Variants in DNAH11 observed in about 807,000 individuals in gnomAD.
The protein encoded by DNAH11 is axonemal beta dynein heavy chain 11.
A neutral mutation model predicts 526.0 loss-of-function variants in DNAH11; 442 were observed. The observed-to-expected ratio is 0.84, with a 90% CI of 0.78 to 0.91. The LOEUF (loss-of-function observed/expected upper bound fraction) is 0.91. Ranked by LOEUF, DNAH11 falls within the 40% of genes least tolerant of loss-of-function variation. The probability of loss-of-function intolerance (pLI) is 0.00; values close to 1 mark genes in which losing one functional copy is unlikely to be tolerated. For synonymous variants in DNAH11, 2,461 were observed against 1,935.9 expected, an observed-to-expected ratio of 1.27 and a Z score of -7.12; for missense variants, 6,989 against 5,448.7, an observed-to-expected ratio of 1.28 and a Z score of -8.90.
intron 54 of DNAH11, 71 bp downstream of exon 54, chr7:21,750,435 T>A: frequency 6.6e-7 from 1 of 1,520,122 alleles, no homozygotes; most frequent in Non-Finnish European, 8.8e-7. Context: ...CTATTCTGAG[T>A]TTTTTATTAT....
At chr7:21,843,281 C>T (rs986928962) in intron 66 of DNAH11, among the ~76,000 whole-genome samples, 2 of 151,954 alleles carry the variant, frequency 1.3e-5, no homozygotes, top group Admixed American at 6.6e-5. Flanking sequence ...TCAGAAAATA[C>T]TGACATAGAA....
Position 21,543,068 on chromosome 7 carries a change from C to T in DNAH11, c.-178C>T. On this transcript the variant is annotated 5_prime_UTR_variant, in exon 1 of 82. Transcript: ENST00000409508. ...CAGGCCTTCGCTTCGGCCTGCGAGGCTACAGCTGTGCGCAGTGGCGCGGCT... is the reference window on the plus strand; with the variant it reads ...CAGGCCTTCGCTTCGGCCTGCGAGGTTACAGCTGTGCGCAGTGGCGCGGCT... 7.5e-7 allele frequency: 1 copy of T among 1,340,310 alleles called. No individual in the cohort carries two copies. The highest frequency in any genetic ancestry group is 9.7e-7 in the Non-Finnish European group (1 of 1,032,308). The allele number at this position is 1,340,310 out of a possible 1,614,324, so 83.0% of individuals were successfully genotyped here.
At chr7:21,798,359 G>C (rs145353183) in intron 61 of DNAH11, among the ~76,000 whole-genome samples, 1 of 152,290 alleles carries the variant, frequency 6.6e-6, no homozygotes, top group African/African-American at 2.4e-5. Flanking sequence ...GCCTCCCAAA[G>C]TGCTGGGATT....
At chr7:21,812,170 A>G (rs1789554195) in intron 63 of DNAH11, among the ~76,000 whole-genome samples, 1 of 152,204 alleles carries the variant, frequency 6.6e-6, no homozygotes, top group Admixed American at 6.5e-5. Context: ...TCAAGGATTG[A>G]TAGCAGAACT....
At chr7:21,900,886 T>TGACA in intron 81 of DNAH11, 121 bp from the exon 82 acceptor site, 4 of 1,466,614 alleles carry the variant, frequency 2.7e-6, no homozygotes, top group South Asian at 1.6e-5. Flanking sequence ...AAAATACCAC[T>TGACA]GACAAGCAAA....
rs772554779 is a variant in DNAH11 at position 21,725,903 on chromosome 7, T to G, written c.7359T>G (p.Tyr2453Ter). ...CGCAGGGAACAATCTTTGATTATTATGTGGACCACAAAACTAAGAAATTAT... is the reference window on the plus strand; with the variant it reads ...CGCAGGGAACAATCTTTGATTATTAGGTGGACCACAAAACTAAGAAATTAT... ...FPSQGTIFDY[Y>*]VDHKTKKLLP... The change falls in exon 45 of 82, where the codon TAT becomes TAG. Residue 2453 changes from tyrosine (Y) to a stop codon, truncating the protein, a stop_gained. Transcript: ENST00000409508. LOFTEE classifies it high-confidence loss of function. The G allele has an allele frequency of 6.3e-7, 1 of 1,595,320 alleles. No homozygotes were observed. Among genetic ancestry groups the G allele is most frequent in the East Asian group, 2.2e-5 (1 of 44,522 alleles).
At chr7:21,783,398 C>T (rs1386070839) in intron 57 of DNAH11, among the ~76,000 whole-genome samples, 1 of 152,158 alleles carries the variant, frequency 6.6e-6, no homozygotes, top group Non-Finnish European at 1.5e-5. Context: ...TTGTTGTGAG[C>T]AGTGTTTAAT....
At chr7:21,822,840 A>T (rs969835901) in intron 65 of DNAH11, among the ~76,000 whole-genome samples, 1 of 151,136 alleles carries the variant, frequency 6.6e-6, no homozygotes, top group Non-Finnish European at 1.5e-5. Flanking sequence ...TTTGATTAAC[A>T]TTTCTCTGAT....
rs549585242 is a variant in DNAH11, at chr7:21,742,155, A to G, written c.8143A>G (p.Asn2715Asp). 41 of 1,613,648 alleles carry G rather than the reference A, an allele frequency of 2.5e-5. No individual in the cohort carries two copies. The highest frequency in any genetic ancestry group is 1.6e-4 in the Middle Eastern group (1 of 6,080). Residue 2715 changes from asparagine to aspartate, a missense_variant, in exon 49 of 82, where the codon AAC (asparagine) becomes GAC (aspartate). Transcript: ENST00000409508. ...CATCTTTAATCTGAGAGATTTATCA[A>G]ACGTCTTCCAGGTACCTTGACTGCT... ...HYIFNLRDLS[N>D]VFQGILFASP...
intron 8 of DNAH11, among the ~76,000 whole-genome samples, chr7:21,577,773 A>G (rs1008508531): frequency 3.9e-5 from 6 of 152,188 alleles, no homozygotes; most frequent in Non-Finnish European, 7.3e-5. Flanking sequence ...TTATAACAAT[A>G]TGAAATTTCA....
At chr7:21,591,656 T>C in intron 14 of DNAH11, 79 bp downstream of exon 14, 1 of 1,353,894 alleles carries the variant, frequency 7.4e-7, no homozygotes, top group Non-Finnish European at 9.8e-7. Flanking sequence ...AACCTAATAA[T>C]GTGGGACTCT....
intron 8 of DNAH11, among the ~76,000 whole-genome samples, chr7:21,576,029 G>A (rs940452010): frequency 6.6e-6 from 1 of 152,046 alleles, no homozygotes; most frequent in Non-Finnish European, 1.5e-5. Flanking sequence ...TTTCCCTACT[G>A]CTCCCAGTAA....
At chr7:21,810,078 G>T (rs906101540) in intron 63 of DNAH11, among the ~76,000 whole-genome samples, 1 of 152,130 alleles carries the variant, frequency 6.6e-6, no homozygotes, top group African/African-American at 2.4e-5. Context: ...TGGGTTATTT[G>T]TTAAAGATTT....
chr7:21,642,169 T>A (rs965120840), intron 28 of DNAH11, among the ~76,000 whole-genome samples: 3 of 152,226 alleles, frequency 2.0e-5, no homozygotes, highest in East Asian at 1.9e-4. Flanking sequence ...AAATGTGATT[T>A]CATTGAGGTC....
chr7:21,762,222 A>G (rs1396861412), intron 54 of DNAH11, among the ~76,000 whole-genome samples: 2 of 152,194 alleles, frequency 1.3e-5, no homozygotes, highest in Non-Finnish European at 2.9e-5. Flanking sequence ...AACCATACCA[A>G]TAATGAGGCC....
chr7:21,868,718 C>A (rs1176071168), intron 72 of DNAH11, 146 bp from the exon 73 acceptor site: 29 of 1,033,162 alleles, frequency 2.8e-5, no homozygotes. Flanking sequence ...CTTGTGGATA[C>A]AACAGAAGTT....
intron 36 of DNAH11, among the ~76,000 whole-genome samples, chr7:21,701,722 T>C (rs1784069719): frequency 6.6e-6 from 1 of 152,252 alleles, no homozygotes; most frequent in South Asian, 2.1e-4. Flanking sequence ...ATATTTGTAA[T>C]GTAATATTGT....
chr7:21,782,492 T>G (rs2127984571), intron 57 of DNAH11, among the ~76,000 whole-genome samples: 1 of 152,372 alleles, frequency 6.6e-6, no homozygotes, highest in East Asian at 1.9e-4. Context: ...GAGAATCCTG[T>G]TCATTTGTAT....
rs1784830335 is a variant in DNAH11 at position 21,901,337 on chromosome 7, A to ATTCTAACTTTTT, written c.*84_*95dup. The ATTCTAACTTTTT allele has an allele frequency of 7.1e-7, 1 of 1,411,180 alleles. No individual in the cohort carries two copies. The highest frequency in any genetic ancestry group is 1.5e-5 in the African/African-American group (1 of 68,540). The allele number at this position is 1,411,180 out of a possible 1,614,324, so 87.4% of individuals were successfully genotyped here. A position where few individuals can be genotyped will look rare whatever the true frequency, so the allele number is the denominator to read the frequency against. ...TTGCTGCACTGTTCCCATGCACATTATTCTAACTTTTTAGTAACTCACACG... is the reference window on the plus strand; with the variant it reads ...TTGCTGCACTGTTCCCATGCACATTATTCTAACTTTTTTTCTAACTTTTTAGTAACTCACACG... On this transcript the variant is annotated 3_prime_UTR_variant, in exon 82 of 82. Transcript: ENST00000409508.
Sources: gnomAD v4.1 joint callset for allele counts (sites outside exome capture counted in the v4.1 genomes callset) on GRCh38, gnomAD v4.1.1 for gene constraint, MANE v1.5 for transcripts, NCBI Gene and HGNC (gene_info 2026-07-23, HGNC 2026-07-21) for gene names.